Variants in TBL1Y observed in about 807,000 individuals in gnomAD.
TBL1Y encodes the protein F-box-like/WD repeat-containing protein TBL1Y.
TBL1Y carries 15 observed loss-of-function variants against 12.0 expected under a neutral mutation model. The observed-to-expected ratio is 1.25, with a 90% CI of 0.83 to 1.92. TBL1Y has a LOEUF of 1.92. Ranked by LOEUF, TBL1Y falls within the 40% of genes most tolerant of loss-of-function variation. TBL1Y has a pLI of 0.00. For synonymous variants in TBL1Y, 53 were observed against 42.6 expected (o/e 1.24, Z -0.95); for missense variants, 148 against 116.7 (o/e 1.27, Z -1.24).
intron 4 of TBL1Y, among the ~76,000 whole-genome samples, chrY:6,997,252 C>T (rs2012417308): frequency 3.1e-5 from 1 of 32,679 alleles, no homozygotes; most frequent in African/African-American, 1.2e-4. Flanking sequence ...CATATTTCTA[C>T]TAAAAATACA....
chrY:7,039,135 G>A (rs954956705), intron 6 of TBL1Y, among the ~76,000 whole-genome samples: 4 of 33,523 alleles, frequency 1.2e-4, no homozygotes, highest in Admixed American at 2.7e-4. Flanking sequence ...TTCTGTGGAG[G>A]TGCTGTGTCT....
chrY:7,034,007 A>G (rs957192038), intron 6 of TBL1Y, among the ~76,000 whole-genome samples: 2 of 33,096 alleles, frequency 6.0e-5, no homozygotes, highest in Non-Finnish European at 1.5e-4. Context: ...AAAGAAATAA[A>G]GCGTATTCAA....
intron 4 of TBL1Y, among the ~76,000 whole-genome samples, chrY:7,000,634 C>A: frequency 2.9e-5 from 1 of 34,280 alleles, no homozygotes; most frequent in Non-Finnish European, 7.3e-5. Flanking sequence ...GAGTCTCACT[C>A]TGTCACCCAG....
At chrY:7,027,677 G>C in intron 6 of TBL1Y, among the ~76,000 whole-genome samples, 1 of 32,158 alleles carries the variant, frequency 3.1e-5, no homozygotes, top group Non-Finnish European at 7.6e-5. Context: ...GTGACACTCC[G>C]TCTCAAAAAA....
intron 13 of TBL1Y, among the ~76,000 whole-genome samples, chrY:7,079,913 C>T (rs762088876): frequency 6.9e-3 from 229 of 32,965 alleles, no homozygotes; most frequent in Admixed American, 0.021. Context: ...GGAGATTCTG[C>T]AGGCCCTGGG....
At chrY:6,956,203 G>A in intron 2 of TBL1Y, among the ~76,000 whole-genome samples, 1 of 32,913 alleles carries the variant, frequency 3.0e-5, no homozygotes, top group Non-Finnish European at 7.5e-5. Flanking sequence ...AAGGCAAAAA[G>A]CTCAAACCAG....
intron 6 of TBL1Y, among the ~76,000 whole-genome samples, chrY:7,027,711 T>C: frequency 3.1e-5 from 1 of 31,756 alleles, no homozygotes; most frequent in East Asian, 8.3e-4. Flanking sequence ...AAAAAGATCA[T>C]GCCACCGCAC....
At chrY:6,921,517 T>C in intron 2 of TBL1Y, among the ~76,000 whole-genome samples, 1 of 33,166 alleles carries the variant, frequency 3.0e-5, no homozygotes, top group African/African-American at 1.2e-4. Flanking sequence ...TGGAATGCTT[T>C]AAAGAAAATA....
intron 13 of TBL1Y, among the ~76,000 whole-genome samples, chrY:7,076,399 T>C: frequency 3.0e-5 from 1 of 32,891 alleles, no homozygotes; most frequent in African/African-American, 1.2e-4. Flanking sequence ...ATAATCTGGC[T>C]GGCCACGAGG....
intron 6 of TBL1Y, among the ~76,000 whole-genome samples, chrY:7,026,202 G>T: frequency 2.9e-5 from 1 of 33,938 alleles, no homozygotes; most frequent in Non-Finnish European, 7.3e-5. Flanking sequence ...TGTCCCTTGT[G>T]CTCCCAGCTA....
At chrY:7,030,228 C>A (rs763558520) in intron 6 of TBL1Y, among the ~76,000 whole-genome samples, 1 of 33,758 alleles carries the variant, frequency 3.0e-5, no homozygotes. Flanking sequence ...TTGCTCAAGG[C>A]GTATTGGAAA....
chrY:6,993,860 T>C (rs766457491), intron 3 of TBL1Y, among the ~76,000 whole-genome samples: 26 of 30,383 alleles, frequency 8.6e-4, no homozygotes, highest in South Asian at 7.5e-3. Context: ...TAAATGGCCA[T>C]TGCTTAATTA....
intron 2 of TBL1Y, among the ~76,000 whole-genome samples, chrY:6,958,998 C>T: frequency 5.9e-5 from 2 of 33,634 alleles, no homozygotes; most frequent in Admixed American, 5.3e-4. Flanking sequence ...GGCTGGGGGA[C>T]GGTCAGGTCT....
At chrY:7,086,038 C>A in intron 15 of TBL1Y, 66 bp downstream of exon 15, 1 of 319,082 alleles carries the variant, frequency 3.1e-6, no homozygotes, top group South Asian at 3.3e-5. Flanking sequence ...TGACGTCAGT[C>A]TCACAGTCAC....
At chrY:7,081,231 A>C (rs909764083) in intron 14 of TBL1Y, among the ~76,000 whole-genome samples, 1 of 34,081 alleles carries the variant, frequency 2.9e-5, no homozygotes, top group Non-Finnish European at 7.3e-5. Flanking sequence ...CTATAATCCC[A>C]GTACTTTGGG....
At chrY:6,916,774 G>T (rs775161740) in intron 2 of TBL1Y, among the ~76,000 whole-genome samples, 28 of 34,040 alleles carry the variant, frequency 8.2e-4, no homozygotes, top group African/African-American at 3.2e-3. Flanking sequence ...AGAAAGGAAT[G>T]AAGGTAGACA....
intron 3 of TBL1Y, among the ~76,000 whole-genome samples, chrY:6,979,808 G>T: frequency 3.0e-5 from 1 of 33,798 alleles, no homozygotes; most frequent in East Asian, 7.9e-4. Context: ...CTCGTGAGCA[G>T]TTGGGACTAC....
At chrY:6,971,896 A>G in intron 2 of TBL1Y, among the ~76,000 whole-genome samples, 1 of 33,897 alleles carries the variant, frequency 3.0e-5, no homozygotes, top group Non-Finnish European at 7.3e-5. Context: ...GGTGTGAGCC[A>G]CTGAGCCCCG....
chrY:7,030,784 A>G, intron 6 of TBL1Y, among the ~76,000 whole-genome samples: 1 of 33,503 alleles, frequency 3.0e-5, no homozygotes, highest in Non-Finnish European at 7.4e-5. Flanking sequence ...AGATAGGTAG[A>G]TAGATACATA....
Sources: gnomAD v4.1 joint callset for allele counts (sites outside exome capture counted in the v4.1 genomes callset) on GRCh38, gnomAD v4.1.1 for gene constraint, MANE v1.5 for transcripts, NCBI Gene and HGNC (gene_info 2026-07-23, HGNC 2026-07-21) for gene names.